Variants in XRCC6 observed in about 807,000 individuals in gnomAD.
XRCC6 encodes X-ray repair cross complementing 6.
Under a neutral mutation model 65.7 loss-of-function variants are expected in XRCC6, and 5 were observed. That is an observed-to-expected ratio of 0.08 (90% CI 0.04 to 0.16). The LOEUF is 0.16. XRCC6 is among the 10% of genes least tolerant of loss of function. XRCC6 has a pLI of 1.00. For synonymous variants in XRCC6, 270 were observed against 270.6 expected, an observed-to-expected ratio of 1.00 and a Z score of 0.02; for missense variants, 447 against 738.1, an observed-to-expected ratio of 0.61 and a Z score of 4.57.
intron 3 of XRCC6, 74 bp downstream of exon 3, chr22:41,628,304 A>C (rs2067701245): frequency 7.8e-7 from 1 of 1,285,702 alleles, no homozygotes; most frequent in Non-Finnish European, 1.1e-6. Context: ...CATGCCTGTA[A>C]TCTCAGGACA....
chr22:41,643,586 C>T (rs545394991), intron 6 of XRCC6, among the ~76,000 whole-genome samples: 87 of 152,108 alleles, frequency 5.7e-4, no homozygotes, highest in South Asian at 1.9e-3. Flanking sequence ...TTTGGGAGGC[C>T]GAGACGGGTG....
At chr22:41,646,016 A>G (rs2067928455) in intron 6 of XRCC6, among the ~76,000 whole-genome samples, 1 of 151,950 alleles carries the variant, frequency 6.6e-6, no homozygotes, top group African/African-American at 2.4e-5. Context: ...AGAAAAACAG[A>G]GACAAGGCCA....
At chr22:41,662,240 A>G (rs1179226400) in intron 12 of XRCC6, among the ~76,000 whole-genome samples, 1 of 152,242 alleles carries the variant, frequency 6.6e-6, no homozygotes, top group Non-Finnish European at 1.5e-5. Flanking sequence ...AACACAAAAG[A>G]TAAATGCTTG....
At chr22:41,645,325 A>G (rs1282880761) in intron 6 of XRCC6, among the ~76,000 whole-genome samples, 4 of 152,008 alleles carry the variant, frequency 2.6e-5, no homozygotes, top group African/African-American at 9.7e-5. Flanking sequence ...AAAAACAAAA[A>G]AAAACAAACA....
chr22:41,629,095 C>T (rs2067711998), intron 3 of XRCC6, among the ~76,000 whole-genome samples: 1 of 151,618 alleles, frequency 6.6e-6, no homozygotes, highest in Non-Finnish European at 1.5e-5. Context: ...CTACCACTCA[C>T]ACCCACTATA....
chr22:41,622,096 T>G lies in XRCC6; in HGVS notation c.82+10T>G. ...AACCTTGAAGCAAGTGGTAAGTGAC[T>G]TCAGCATGTAGTGCCATTCGGTGTG... is the stretch of plus-strand genomic sequence containing the variant. On this transcript the variant is annotated intron_variant, in intron 2 of 12. Coordinates refer to ENST00000360079, the MANE Select transcript of XRCC6 (RefSeq NM_001469.5). The G allele has an allele frequency of 6.2e-7, 1 of 1,614,122 alleles. No homozygotes were observed. Among genetic ancestry groups the G allele is most frequent in the Non-Finnish European group, 8.5e-7 (1 of 1,179,958 alleles).
intron 3 of XRCC6, among the ~76,000 whole-genome samples, chr22:41,631,138 G>A (rs1355631484): frequency 6.7e-6 from 1 of 148,634 alleles, no homozygotes; most frequent in African/African-American, 2.5e-5. Context: ...GCAGGGCGGG[G>A]GGCTGACCCC....
intron 11 of XRCC6, 99 bp downstream of exon 11, chr22:41,658,451 C>G: frequency 9.3e-7 from 1 of 1,072,396 alleles, no homozygotes; most frequent in Admixed American, 2.1e-5. Context: ...CCTCTCTAAA[C>G]ACTTAACCTC....
In XRCC6 at chr22:41,628,394, CA is replaced by C. The variant is rs1255564378; in HGVS notation, c.195+170del. ...GTAACATGGAGAAACCCCGTCTCTA[CA>C]AAAAATACACAAATCATCCAGGTGT... On this transcript the variant is annotated intron_variant, in intron 3 of 12. Transcript: ENST00000360079. 14 of 516,436 alleles carry C rather than the reference CA, an allele frequency of 2.7e-5. No homozygotes were observed. In the East Asian group the frequency reaches 4.1e-4, roughly 15 times the overall value. 32.0% of individuals were successfully genotyped at this position (516,436 alleles called of 1,614,324 possible).
At chr22:41,661,057 AC>A (rs2068094732) in intron 11 of XRCC6, among the ~76,000 whole-genome samples, 1 of 151,712 alleles carries the variant, frequency 6.6e-6, no homozygotes, top group South Asian at 2.1e-4. Context: ...AAAAAAAAAA[AC>A]TGGGGACAAA....
intron 2 of XRCC6, among the ~76,000 whole-genome samples, chr22:41,624,996 C>G (rs188179266): frequency 3.8e-3 from 573 of 151,604 alleles, no homozygotes; most frequent in Non-Finnish European, 6.2e-3. Flanking sequence ...GACTCCGTCT[C>G]AAAAATAAAA....
intron 6 of XRCC6, among the ~76,000 whole-genome samples, chr22:41,641,713 G>T (rs939035166): frequency 1.3e-5 from 2 of 151,966 alleles, no homozygotes; most frequent in African/African-American, 2.4e-5. Context: ...TTGTCTTTCT[G>T]TGCCTGGCTT....
At chr22:41,650,001 C>T (rs2067979759) in intron 7 of XRCC6, among the ~76,000 whole-genome samples, 1 of 151,912 alleles carries the variant, frequency 6.6e-6, no homozygotes, top group Non-Finnish European at 1.5e-5. Flanking sequence ...ACGCCAGTGA[C>T]AGTGTGACAG....
At chr22:41,645,412 G>C (rs1489796545) in intron 6 of XRCC6, among the ~76,000 whole-genome samples, 2 of 152,056 alleles carry the variant, frequency 1.3e-5, no homozygotes, top group Non-Finnish European at 2.9e-5. Context: ...AGGAACTAAT[G>C]ACAGTGTCTT....
At chr22:41,662,176 CTAATT>C (rs903067717) in intron 12 of XRCC6, among the ~76,000 whole-genome samples, 10 of 151,912 alleles carry the variant, frequency 6.6e-5, no homozygotes, top group Non-Finnish European at 1.0e-4. Flanking sequence ...TGACTATAGT[CTAATT>C]TAATTGTACA....
At position 41,663,875 on chromosome 22, in the gene XRCC6, T is replaced by C; in HGVS notation, c.*60T>C. On this transcript the variant is annotated 3_prime_UTR_variant, in exon 13 of 13. Coordinates refer to ENST00000360079, the MANE Select transcript of XRCC6 (RefSeq NM_001469.5). ...GTGGCCAGGCTGCCTGGCCTTGTCC[T>C]CAGCCAGTTAAAATGTGTTTCTCCT... The C allele has an allele frequency of 1.3e-6, 2 of 1,553,636 alleles. No homozygotes were observed. The highest frequency in any genetic ancestry group is 1.8e-6 in the Non-Finnish European group (2 of 1,141,470).
intron 7 of XRCC6, among the ~76,000 whole-genome samples, chr22:41,650,096 C>T (rs2058507798): frequency 6.7e-6 from 1 of 149,022 alleles, no homozygotes; most frequent in Non-Finnish European, 1.5e-5. Context: ...CAGGTCAGTA[C>T]ATTTTTTTTT....
chr22:41,623,789 C>T (rs1460123109), intron 2 of XRCC6, among the ~76,000 whole-genome samples: 6 of 152,068 alleles, frequency 3.9e-5, no homozygotes, highest in Non-Finnish European at 8.8e-5. Flanking sequence ...GACTCAATCT[C>T]GGTTCACTGC....
At chr22:41,650,635 A>AT (rs984655992) in intron 7 of XRCC6, 88 bp from the exon 8 acceptor site, 3 of 1,429,436 alleles carry the variant, frequency 2.1e-6, no homozygotes, top group Admixed American at 1.8e-5. Flanking sequence ...AAGAGAGCTG[A>AT]TTTTAACTTG....
Sources: gnomAD v4.1 joint callset for allele counts (sites outside exome capture counted in the v4.1 genomes callset) on GRCh38, gnomAD v4.1.1 for gene constraint, MANE v1.5 for transcripts, NCBI Gene and HGNC (gene_info 2026-07-23, HGNC 2026-07-21) for gene names.